The following SLC4A10 variants were observed in gnomAD, a reference collection of about 807,000 sequenced individuals.
SLC4A10 encodes sodium-driven chloride bicarbonate exchanger.
In SLC4A10, 42 loss-of-function variants were observed where a neutral mutation model predicts 137.7. The observed-to-expected ratio is 0.30, with a 90% confidence interval of 0.24 to 0.39. The LOEUF (loss-of-function observed/expected upper bound fraction) is 0.39, where lower values mean the gene tolerates loss of function less well. Among genes scored for constraint, SLC4A10 ranks in the 10% least tolerant of loss-of-function variants. SLC4A10 has a pLI of 1.00. For missense variants in SLC4A10, 925 were observed against 1,355.0 expected, an observed-to-expected ratio of 0.68 and a Z score of 4.98; for synonymous variants, 474 against 464.1, an observed-to-expected ratio of 1.02 and a Z score of -0.27.
At chr2:161,939,315 T>G (rs1692224205) in intron 15 of SLC4A10, among the ~76,000 whole-genome samples, 1 of 152,106 alleles carries the variant, frequency 6.6e-6, no homozygotes, top group Admixed American at 6.6e-5. Flanking sequence ...GACCTTGTGA[T>G]CTGCCTGCCT....
chr2:161,851,148 A>C (rs2059808548), intron 4 of SLC4A10, among the ~76,000 whole-genome samples: 1 of 152,196 alleles, frequency 6.6e-6, no homozygotes, highest in South Asian at 2.1e-4. Context: ...CAATTTTAGA[A>C]TATGTGCCAT....
chr2:161,684,816 G>T (rs1470979069), intron 1 of SLC4A10, among the ~76,000 whole-genome samples: 1 of 152,152 alleles, frequency 6.6e-6, no homozygotes, highest in Non-Finnish European at 1.5e-5. Context: ...TAAGTTGAAT[G>T]CTTGGAATTA....
intron 16 of SLC4A10, among the ~76,000 whole-genome samples, chr2:161,946,866 T>C (rs1440401814): frequency 6.6e-6 from 1 of 152,106 alleles, no homozygotes; most frequent in Non-Finnish European, 1.5e-5. Context: ...CATTTGTTCT[T>C]TAGTCCAAGT....
chr2:161,728,849 A>G (rs920979794), intron 1 of SLC4A10, among the ~76,000 whole-genome samples: 18 of 152,226 alleles, frequency 1.2e-4, no homozygotes, highest in Admixed American at 2.0e-4. Flanking sequence ...TGAAAAGACT[A>G]ATATATTGTG....
At chr2:161,945,499 C>T (rs1402210447) in intron 16 of SLC4A10, among the ~76,000 whole-genome samples, 1 of 151,096 alleles carries the variant, frequency 6.6e-6, no homozygotes, top group East Asian at 1.9e-4. Context: ...TTTGAGTACC[C>T]ATTGTAACTG....
At chr2:161,827,122 G>A (rs903142754) in intron 3 of SLC4A10, among the ~76,000 whole-genome samples, 6 of 152,122 alleles carry the variant, frequency 3.9e-5, no homozygotes, top group South Asian at 2.1e-4. Context: ...TTCCTTTTCC[G>A]ATTCTTTTGT....
intron 1 of SLC4A10, among the ~76,000 whole-genome samples, chr2:161,642,686 T>C (rs980336866): frequency 1.3e-5 from 2 of 151,984 alleles, no homozygotes; most frequent in Non-Finnish European, 2.9e-5. Flanking sequence ...TTTTAAGAAA[T>C]GCAGTAGGAA....
chr2:161,955,794 A>C (rs1695555148), intron 19 of SLC4A10, among the ~76,000 whole-genome samples: 1 of 152,134 alleles, frequency 6.6e-6, no homozygotes, highest in African/African-American at 2.4e-5. Context: ...AGTTATATAA[A>C]ACTACCTCTA....
At chr2:161,937,682 A>G (rs1215293874) in intron 15 of SLC4A10, among the ~76,000 whole-genome samples, 2 of 152,216 alleles carry the variant, frequency 1.3e-5, no homozygotes, top group Non-Finnish European at 2.9e-5. Flanking sequence ...TATCTTGTCC[A>G]ACTTAGCATG....
chr2:161,734,426 A>G (rs1322027302), intron 1 of SLC4A10, among the ~76,000 whole-genome samples: 1 of 152,178 alleles, frequency 6.6e-6, no homozygotes, highest in Non-Finnish European at 1.5e-5. Flanking sequence ...TGCCACTGCC[A>G]TGTAAGAAGT....
chr2:161,740,408 C>A (rs1020018773), intron 1 of SLC4A10, among the ~76,000 whole-genome samples: 1 of 152,178 alleles, frequency 6.6e-6, no homozygotes, highest in Admixed American at 6.5e-5. Flanking sequence ...TGGAACTCTT[C>A]TGGGCACTGT....
chr2:161,964,031 G>A (rs1450820493), intron 21 of SLC4A10, 104 bp from the exon 22 acceptor site: 1 of 846,220 alleles, frequency 1.2e-6, no homozygotes, highest in East Asian at 2.7e-5. Context: ...TGTTATCCAG[G>A]TATGTCATTT....
chr2:161,709,872 G>A (rs1238094687), intron 1 of SLC4A10: 2 of 151,544 alleles, frequency 1.3e-5, no homozygotes, highest in Non-Finnish European at 3.0e-5. Flanking sequence ...CTGCCTCAAT[G>A]TTAGAGAACT....
rs1700478149 is a variant in SLC4A10 at position 161,983,322 on chromosome 2, T to C, written c.*170T>C. On this transcript the variant is annotated 3_prime_UTR_variant, in exon 27 of 27. Coordinates refer to ENST00000446997, the MANE Select transcript of SLC4A10 (RefSeq NM_001178015.2). ...TTAATAAAACTGCTTTGATCATGTA[T>C]TGTAAATTCTGTCCCTCAACCCAAA... The C allele has an allele frequency of 2.2e-6, 3 of 1,351,566 alleles. No individual in the cohort carries two copies. The highest frequency in any genetic ancestry group is 4.2e-5 in the Admixed American group (2 of 47,258). The allele number at this position is 1,351,566 out of a possible 1,614,324, so 83.7% of individuals were successfully genotyped here. A position where few individuals can be genotyped will look rare whatever the true frequency, so the allele number is the denominator to read the frequency against.
chr2:161,883,479 A>G (rs1449605757), intron 10 of SLC4A10, among the ~76,000 whole-genome samples: 4 of 152,206 alleles, frequency 2.6e-5, no homozygotes, highest in Non-Finnish European at 4.4e-5. Context: ...CAAAAGCAAG[A>G]AGAAAAACAT....
chr2:161,957,292 T>A (rs547839799), intron 20 of SLC4A10, 52 bp downstream of exon 20: 2 of 1,550,818 alleles, frequency 1.3e-6, no homozygotes, highest in African/African-American at 2.8e-5. Flanking sequence ...TTTATCATCA[T>A]TTAAAATTTT....
At chr2:161,853,333 T>C (rs75859879) in intron 4 of SLC4A10, among the ~76,000 whole-genome samples, 6 of 152,162 alleles carry the variant, frequency 3.9e-5, no homozygotes, top group Non-Finnish European at 7.4e-5. Context: ...CCTCAGCTGA[T>C]AGATCAGTCT....
intron 24 of SLC4A10, among the ~76,000 whole-genome samples, chr2:161,975,797 A>G (rs1192458303): frequency 6.6e-6 from 1 of 152,244 alleles, no homozygotes; most frequent in Non-Finnish European, 1.5e-5. Context: ...CAGAGGGAAG[A>G]GCAAGGACAA....
At chr2:161,800,045 CA>C (rs757654819) in intron 2 of SLC4A10, among the ~76,000 whole-genome samples, 19 of 152,002 alleles carry the variant, frequency 1.2e-4, no homozygotes, top group East Asian at 7.8e-4. Context: ...AAATGTAAAC[CA>C]GTAGCTCTGG....
Sources: gnomAD v4.1 joint callset for allele counts (sites outside exome capture counted in the v4.1 genomes callset) on GRCh38, gnomAD v4.1.1 for gene constraint, MANE v1.5 for transcripts, NCBI Gene and HGNC (gene_info 2026-07-23, HGNC 2026-07-21) for gene names.